Variants in PTPRC observed in about 807,000 individuals in gnomAD.
PTPRC encodes protein tyrosine phosphatase receptor type C, also known as receptor-type tyrosine-protein phosphatase C.
Under a neutral mutation model 155.9 loss-of-function variants are expected in PTPRC, and 44 were observed. The observed-to-expected ratio is 0.28, with a 90% CI of 0.22 to 0.36. The LOEUF (loss-of-function observed/expected upper bound fraction) is 0.36. Ranked by LOEUF, PTPRC falls within the 10% of genes least tolerant of loss-of-function variation. PTPRC has a pLI of 1.00. For missense variants in PTPRC, 1,401 were observed against 1,564.6 expected (o/e 0.90, Z 1.76); for synonymous variants, 525 against 533.1 (o/e 0.98, Z 0.21).
At chr1:198,696,950 T>C (rs1452113341) in intron 4 of PTPRC, 41 bp downstream of exon 4, 3 of 1,526,476 alleles carry the variant, frequency 2.0e-6, no homozygotes, top group East Asian at 4.5e-5. Flanking sequence ...TCAGGGAATG[T>C]CATTTAGAAA....
rs145900062 is a variant in PTPRC at position 198,679,176 on chromosome 1, G to T, written c.74-13171G>T. On this transcript the variant is annotated intron_variant, in intron 2 of 32. Transcript: ENST00000442510. ...GCTCCTGCAGTTTGGGCACATAGTC[G>T]TCCCACTCAGCCTGGTAACGCTTTC... 7.2e-4 allele frequency: 151 copies of T among 210,786 alleles called. 1 individual carries two copies. Among genetic ancestry groups the T allele is most frequent in the Middle Eastern group, 6.7e-3 (5 of 742 alleles). 13.1% of individuals were successfully genotyped at this position (210,786 alleles called of 1,614,324 possible).
At position 198,694,208 on chromosome 1, in the gene PTPRC, C is replaced by T. The variant is rs561197021; in HGVS notation, c.100+1835C>T. On this transcript the variant is annotated intron_variant, in intron 3 of 32. Transcript: ENST00000442510. ...GTTCAAGAGCAGGAAGCAGCCAGCA[C>T]GAGAGAAAGATGAAGACCAGAAGAC... 2.4e-4 allele frequency: 346 copies of T among 1,423,780 alleles called. 1 individual carries two copies. The Middle Eastern group carries it at 2.7e-3, about 11-fold the overall frequency. 88.2% of individuals were successfully genotyped at this position (1,423,780 alleles called of 1,614,324 possible).
intron 2 of PTPRC, among the ~76,000 whole-genome samples, chr1:198,689,768 T>C (rs1313698555): frequency 2.0e-5 from 3 of 152,206 alleles, no homozygotes; most frequent in Non-Finnish European, 2.9e-5. Context: ...TTGCTACAGC[T>C]ATTTCTCTTT....
intron 29 of PTPRC, among the ~76,000 whole-genome samples, chr1:198,751,780 T>C (rs1201571738): frequency 2.0e-5 from 3 of 152,044 alleles, no homozygotes. Context: ...ATAAAGCTGC[T>C]TATGGTGTTG....
At chr1:198,708,405 T>G in intron 10 of PTPRC, 144 bp downstream of exon 10, 1 of 773,402 alleles carries the variant, frequency 1.3e-6, no homozygotes, top group Non-Finnish European at 2.0e-6. Flanking sequence ...TTCTTGTCTT[T>G]TTCTTGGTCT....
intron 2 of PTPRC, among the ~76,000 whole-genome samples, chr1:198,665,368 AT>A (rs1159025266): frequency 6.6e-6 from 1 of 151,056 alleles, no homozygotes; most frequent in African/African-American, 2.4e-5. Context: ...AATAGATTTT[AT>A]TTTTTATTAT....
intron 2 of PTPRC, among the ~76,000 whole-genome samples, chr1:198,655,169 G>GT (rs758926481): frequency 7.3e-5 from 11 of 150,190 alleles, no homozygotes; most frequent in East Asian, 3.9e-4. Context: ...TCAAGTTGCC[G>GT]GTTTTTTTTA....
rs186768981 is a variant in PTPRC at position 198,663,863 on chromosome 1, G to T, written c.73+24522G>T. 8.8e-4 allele frequency among the ~76,000 whole-genome samples: 134 copies of T among 152,070 alleles called. No individual in the cohort carries two copies. In the East Asian group the frequency reaches 0.017, roughly 19 times the overall value. The stretch of plus-strand genomic sequence containing the variant: ...TAGTAATTATTATTTTCATTGTTAT[G>T]CTATTATTATTTTTATTATTAATGT... On this transcript the variant is annotated intron_variant, in intron 2 of 32. Coordinates refer to ENST00000442510, the MANE Select transcript of PTPRC (RefSeq NM_002838.5).
chr1:198,708,082 G>T (rs1182479329), intron 9 of PTPRC, 51 bp from the exon 10 acceptor site: 2 of 1,522,300 alleles, frequency 1.3e-6, no homozygotes, highest in Non-Finnish European at 1.8e-6. Flanking sequence ...GAGGGCTTAG[G>T]ATACACATTA....
Position 198,702,403 on chromosome 1 carries a change from G to T in PTPRC, c.456G>T (p.Arg152Ser), listed in dbSNP as rs1226583954. Residue 152 changes from arginine (R) to serine (S), a missense_variant, in exon 6 of 33, where the codon AGG becomes AGT. Around this residue, in one of 3 missense-constraint regions of PTPRC, gnomAD observed 867 missense variants for 970.4 expected, o/e 0.89. Coordinates refer to ENST00000442510, the MANE Select transcript of PTPRC (RefSeq NM_002838.5). Reference protein sequence around the residue: ...SNAISDVPGERSTASTFPTDP... With the variant: ...SNAISDVPGESSTASTFPTDP... ...TGATTGCAGATGTCCCAGGAGAGAGGAGTACAGCCAGCACCTTTCCTACAG... is the reference window on the plus strand; with the variant it reads ...TGATTGCAGATGTCCCAGGAGAGAGTAGTACAGCCAGCACCTTTCCTACAG... 1 of 1,614,186 alleles carries T rather than the reference G, an allele frequency of 6.2e-7. No homozygotes were observed. The highest frequency in any genetic ancestry group is 8.5e-7 in the Non-Finnish European group (1 of 1,180,036).
intron 2 of PTPRC, chr1:198,667,136 G>A (rs1245011161): frequency 6.6e-6 from 1 of 152,218 alleles, no homozygotes; most frequent in Non-Finnish European, 1.5e-5. Context: ...AGGCAAAGTG[G>A]TAATATATTT....
intron 2 of PTPRC, among the ~76,000 whole-genome samples, chr1:198,653,385 A>G (rs750543198): frequency 1.2e-4 from 18 of 151,992 alleles, no homozygotes; most frequent in Non-Finnish European, 2.4e-4. Context: ...TACCACTACT[A>G]TGATTAGTTT....
At chr1:198,679,701 T>A (rs961007473) in intron 2 of PTPRC, 1 of 360,908 alleles carries the variant, frequency 2.8e-6, no homozygotes, top group African/African-American at 2.1e-5. Context: ...GCGGTGGAGA[T>A]CTGTGCCCTC....
At chr1:198,736,341 AC>A (rs1654636987) in intron 23 of PTPRC, among the ~76,000 whole-genome samples, 1 of 151,524 alleles carries the variant, frequency 6.6e-6, no homozygotes, top group Non-Finnish European at 1.5e-5. Context: ...CCCCTGCCAT[AC>A]CCTTCCAATC....
intron 4 of PTPRC, among the ~76,000 whole-genome samples, chr1:198,698,510 G>C (rs1449395324): frequency 6.6e-6 from 1 of 151,956 alleles, no homozygotes; most frequent in East Asian, 1.9e-4. Flanking sequence ...ATATAATTGG[G>C]GGAAAATCCT....
Position 198,752,732 on chromosome 1 carries a change from A to C in PTPRC, c.3469A>C (p.Asn1157His). Residue 1157 changes from asparagine to histidine, a missense_variant, in exon 31 of 33, where the codon AAC becomes CAC. By Grantham distance (68) the Asn-to-His change is moderately conservative. Transcript: ENST00000442510. ...KLPQKNSSEG[N>H]KHHKSTPLLI... is the part of the protein sequence containing the mutation. ...TCCCCAGAAGAATTCCTCTGAAGGG[A>C]ACAAGCATCACAAGAGTACACCTCT... The C allele has an allele frequency of 2.5e-6, 4 of 1,612,978 alleles. No homozygotes were observed. The highest frequency in any genetic ancestry group is 3.4e-6 in the Non-Finnish European group (4 of 1,179,380).
chr1:198,655,121 G>A (rs1472557740), intron 2 of PTPRC, among the ~76,000 whole-genome samples: 1 of 151,726 alleles, frequency 6.6e-6, no homozygotes, highest in Non-Finnish European at 1.5e-5. Flanking sequence ...CTTTTATTTT[G>A]TGATGGTCTT....
In PTPRC at chr1:198,741,914, A is replaced by G. The variant is rs1654915813; in HGVS notation, c.2449A>G (p.Thr817Ala). Residue 817 changes from threonine to alanine, a missense_variant, in exon 24 of 33, where the codon ACC becomes GCC. By Grantham distance (58) the Thr-to-Ala change is moderately conservative. Transcript: ENST00000442510. Reference sequence around the variant, plus strand: ...AAGAGAGGTGACTCACATTCAGTTCACCAGCTGGCCAGACCACGGGGTGCC... The same window carrying G: ...AAGAGAGGTGACTCACATTCAGTTCGCCAGCTGGCCAGACCACGGGGTGCC... ...TGREVTHIQF[T>A]SWPDHGVPED... 1 of 1,612,052 alleles carries G rather than the reference A, an allele frequency of 6.2e-7. No individual in the cohort carries two copies. Among genetic ancestry groups the G allele is most frequent in the Non-Finnish European group, 8.5e-7 (1 of 1,178,978 alleles).
At chr1:198,738,599 C>T (rs946823399) in intron 23 of PTPRC, among the ~76,000 whole-genome samples, 7 of 151,642 alleles carry the variant, frequency 4.6e-5, no homozygotes, top group South Asian at 2.1e-4. Flanking sequence ...GGATATTGAC[C>T]GGTAGTTTTC....
Sources: allele counts gnomAD v4.1 joint callset (sites outside exome capture counted in the v4.1 genomes callset), GRCh38; gene constraint gnomAD v4.1.1; regional missense constraint gnomAD v4.1.1; transcripts MANE v1.5; gene names NCBI Gene and HGNC (gene_info 2026-07-23, HGNC 2026-07-21).